The following B4GALNT3 variants were observed in gnomAD, a reference collection of about 807,000 sequenced individuals.
The protein encoded by B4GALNT3 is beta-1,4-N-acetyl-galactosaminyltransferase 3.
In B4GALNT3, 86 loss-of-function variants were observed where a neutral mutation model predicts 120.2. The ratio of observed to expected loss-of-function variants is 0.72; its 90% CI spans 0.60 to 0.86. The LOEUF (loss-of-function observed/expected upper bound fraction) is 0.86. Among genes scored for constraint, B4GALNT3 ranks in the 40% least tolerant of loss-of-function variants. The probability of loss-of-function intolerance (pLI) is 0.00; values close to 1 mark genes in which losing one functional copy is unlikely to be tolerated. For missense variants in B4GALNT3, 1,167 were observed against 1,298.9 expected, an observed-to-expected ratio of 0.90 and a Z score of 1.56; for synonymous variants, 518 against 510.4, an observed-to-expected ratio of 1.01 and a Z score of -0.20.
At chr12:476,441 T>C (rs1038445985) in intron 1 of B4GALNT3, among the ~76,000 whole-genome samples, 4 of 151,918 alleles carry the variant, frequency 2.6e-5, no homozygotes, top group Non-Finnish European at 4.4e-5. Context: ...AACAATAAAA[T>C]AAAATAAAGA....
chr12:555,984 C>T lies in B4GALNT3; in HGVS notation c.2061-563C>T, dbSNP rs568176982. Reference sequence around the variant, plus strand: ...ATTTTTAGTAGAGACAGGGTTTCACCATATTAGCCAGGCTGGTCTTGATCT... The same window carrying T: ...ATTTTTAGTAGAGACAGGGTTTCACTATATTAGCCAGGCTGGTCTTGATCT... On this transcript the variant is annotated intron_variant, in intron 14 of 19. Coordinates refer to ENST00000266383, the MANE Select transcript of B4GALNT3 (RefSeq NM_173593.4). Among the ~76,000 whole-genome samples the T allele has an allele frequency of 1.3e-4, 20 of 151,498 alleles. 1 individual carries two copies. The highest frequency in any genetic ancestry group is 4.4e-4 in the African/African-American group (18 of 41,156).
rs1947042525 is a variant in B4GALNT3 at position 548,953 on chromosome 12, C to G, written c.853+656C>G. 6.6e-6 allele frequency among the ~76,000 whole-genome samples: 1 copy of G among 152,186 alleles called. No individual in the cohort carries two copies. Among genetic ancestry groups the G allele is most frequent in the South Asian group, 2.1e-4 (1 of 4,824 alleles). On this transcript the variant is annotated intron_variant, in intron 9 of 19. Transcript: ENST00000266383. This position sits in a 1 kb window ranked among gnomAD's most constrained non-coding sequence, Gnocchi z 4.9. Reference sequence around the variant, plus strand: ...AAACCCTCTGAGCGAGTCCAATCCCCTATTTTCCAGATGAGGTAACCACGG... The same window carrying G: ...AAACCCTCTGAGCGAGTCCAATCCCGTATTTTCCAGATGAGGTAACCACGG...
chr12:510,445 G>T (rs1036670526), intron 1 of B4GALNT3, among the ~76,000 whole-genome samples: 1 of 120,166 alleles, frequency 8.3e-6, no homozygotes, highest in Non-Finnish European at 2.0e-5. Context: ...GACACTCCAT[G>T]GGGGGGTTGG....
chr12:536,196 T>G, intron 2 of B4GALNT3, 22 bp from the exon 3 acceptor site: 1 of 1,599,684 alleles, frequency 6.3e-7, no homozygotes, highest in African/African-American at 1.3e-5. Flanking sequence ...CCTACCAACT[T>G]CGTTCTTCAT....
chr12:506,233 A>C (rs532072769), intron 1 of B4GALNT3, among the ~76,000 whole-genome samples: 4 of 152,284 alleles, frequency 2.6e-5, no homozygotes, highest in Non-Finnish European at 5.9e-5. Context: ...CAAATCATAG[A>C]GTGTAACACT....
At chr12:547,149 G>A (rs1378899052) in intron 7 of B4GALNT3, among the ~76,000 whole-genome samples, 5 of 126,300 alleles carry the variant, frequency 4.0e-5, no homozygotes, top group Admixed American at 2.5e-4. Context: ...ACGCAGGCGG[G>A]AAGAGCGGGC....
chr12:494,547 G>C (rs926742891), intron 1 of B4GALNT3, among the ~76,000 whole-genome samples: 3 of 152,094 alleles, frequency 2.0e-5, no homozygotes, highest in African/African-American at 7.2e-5. Context: ...TGCAGGATTG[G>C]GTGGGACCAT....
At position 526,371 on chromosome 12, in the gene B4GALNT3, C is replaced by T. The variant is rs61916651; in HGVS notation, c.170-8795C>T. Among the ~76,000 whole-genome samples the T allele has an allele frequency of 5.3e-4, 81 of 152,304 alleles. 1 individual carries two copies. In the South Asian group the frequency reaches 7.7e-3, roughly 14 times the overall value. ...AGGAAAAGGATTGCCCCACATCTTCCGTCTGCATGCAGAAACTTATCCTGT... is the reference window on the plus strand; with the variant it reads ...AGGAAAAGGATTGCCCCACATCTTCTGTCTGCATGCAGAAACTTATCCTGT... On this transcript the variant is annotated intron_variant, in intron 1 of 19. Transcript: ENST00000266383.
chr12:484,500 G>A (rs146943790), intron 1 of B4GALNT3, among the ~76,000 whole-genome samples: 55 of 152,256 alleles, frequency 3.6e-4, no homozygotes, highest in East Asian at 3.5e-3. Context: ...AGAATTATTC[G>A]TGTAAGACCT....
rs376820641 is a variant in B4GALNT3 at position 553,852 on chromosome 12, C to T, written c.1929C>T (p.Leu643=). 4.7e-5 allele frequency: 76 copies of T among 1,614,102 alleles called. No homozygotes were observed. The highest frequency in any genetic ancestry group is 5.7e-5 in the Non-Finnish European group (67 of 1,180,036). ...NWDQTFSARN[L]DFQALRTDWI... is the part of the protein sequence containing the mutation. Reference sequence around the variant, plus strand: ...ACCAGACCTTCAGTGCCCGGAATCTCGACTTCCAAGCCCTGAGGACTGACT... The same window carrying T: ...ACCAGACCTTCAGTGCCCGGAATCTTGACTTCCAAGCCCTGAGGACTGACT... The change falls in exon 14 of 20, where the codon CTC becomes CTT. Residue 643 remains leucine, a synonymous_variant. Transcript: ENST00000266383.
intron 1 of B4GALNT3, among the ~76,000 whole-genome samples, chr12:523,933 C>T (rs769244071): frequency 1.5e-4 from 23 of 152,166 alleles, no homozygotes; most frequent in South Asian, 2.1e-4. Context: ...TGGTGGCAGG[C>T]GCCTGTAATC....
At chr12:490,627 G>A (rs1946331800) in intron 1 of B4GALNT3, among the ~76,000 whole-genome samples, 1 of 152,092 alleles carries the variant, frequency 6.6e-6, no homozygotes, top group Non-Finnish European at 1.5e-5. Context: ...CTACTCAGGA[G>A]GCTGAGGCTG....
intron 1 of B4GALNT3, among the ~76,000 whole-genome samples, chr12:467,747 A>ACT (rs2120421450): frequency 6.6e-6 from 1 of 152,352 alleles, no homozygotes; most frequent in East Asian, 1.9e-4. Context: ...GATACATAGT[A>ACT]GCCTCTGGAA....
intron 1 of B4GALNT3, among the ~76,000 whole-genome samples, chr12:513,094 C>T (rs542044088): frequency 1.1e-4 from 17 of 148,344 alleles, no homozygotes; most frequent in South Asian, 8.5e-4. Context: ...TTCCACCTTC[C>T]GCCTTCCACC....
chr12:512,847 G>A lies in B4GALNT3; in HGVS notation c.170-22319G>A, dbSNP rs867435472. Among the ~76,000 whole-genome samples, 537 of 66,752 alleles carry A rather than the reference G, an allele frequency of 8.0e-3. 5 individuals are homozygous for A. The highest frequency in any genetic ancestry group is 0.029 in the African/African-American group (491 of 16,862). The allele number at this position is 66,752 out of a possible 152,430, so 43.8% of individuals were successfully genotyped here. ...TTCCGCCTTCTGCCTTCCACCTTCC[G>A]CCTTCCACCTTCCTTCCACCTTCCA... On this transcript the variant is annotated intron_variant, in intron 1 of 19. Transcript: ENST00000266383.
chr12:506,011 G>A (rs987476539), intron 1 of B4GALNT3, among the ~76,000 whole-genome samples: 2 of 152,122 alleles, frequency 1.3e-5, no homozygotes. Context: ...AAATCAGATT[G>A]TAACCCGATT....
Position 561,388 on chromosome 12 carries a change from T to G in B4GALNT3, c.2934T>G (p.Asn978Lys). The G allele has an allele frequency of 6.2e-7, 1 of 1,614,072 alleles. No individual in the cohort carries two copies. Among genetic ancestry groups the G allele is most frequent in the Non-Finnish European group, 8.5e-7 (1 of 1,180,008 alleles). ...ACGTGGAGCGTCTCTCCCTCAGGAA[T>G]TTCTTCCATCATTTCCATTCCAAGC... ...GLDVERLSLR[N>K]FFHHFHSKRG... The change falls in exon 20 of 20, where the codon AAT becomes AAG. Residue 978 changes from asparagine (N) to lysine (K), a missense_variant. Coordinates refer to ENST00000266383, the MANE Select transcript of B4GALNT3 (RefSeq NM_173593.4).
chr12:542,962 T>C (rs375172262), intron 3 of B4GALNT3: 142 of 237,144 alleles, frequency 6.0e-4, no homozygotes, highest in African/African-American at 3.1e-3. Flanking sequence ...CTGTGGCGCT[T>C]TCCTCTCCTC....
chr12:461,958 T>C (rs1364300097), intron 1 of B4GALNT3, among the ~76,000 whole-genome samples: 1 of 152,170 alleles, frequency 6.6e-6, no homozygotes, highest in Non-Finnish European at 1.5e-5. Context: ...ATACGAAGAC[T>C]GATCTGCACG....
Sources: gnomAD v4.1 joint callset for allele counts (sites outside exome capture counted in the v4.1 genomes callset) on GRCh38, gnomAD v4.1.1 for gene constraint, Gnocchi (gnomAD v3.1) non-coding constraint, MANE v1.5 for transcripts, NCBI Gene and HGNC (gene_info 2026-07-23, HGNC 2026-07-21) for gene names.